Variants in ANK2 observed in about 807,000 individuals in gnomAD.
ANK2 encodes ankyrin-2.
A neutral mutation model predicts 360.5 loss-of-function variants in ANK2; 83 were observed. The ratio of observed to expected loss-of-function variants is 0.23; its 90% CI spans 0.19 to 0.28. The LOEUF (loss-of-function observed/expected upper bound fraction) is 0.28. Ranked by LOEUF, ANK2 falls within the 10% of genes least tolerant of loss-of-function variation. The pLI, the probability that ANK2 is intolerant of heterozygous loss-of-function variation, is 1.00. For synonymous variants in ANK2, 1,740 were observed against 1,759.5 expected (o/e 0.99, Z 0.28); for missense variants, 4,201 against 4,795.7 (o/e 0.88, Z 3.66).
chr4:113,020,701 C>G (rs1406062277), intron 2 of ANK2, among the ~76,000 whole-genome samples: 1 of 151,976 alleles, frequency 6.6e-6, no homozygotes, highest in Non-Finnish European at 1.5e-5. Flanking sequence ...TGGCATGCAC[C>G]TGTAATTCCA....
intron 2 of ANK2, among the ~76,000 whole-genome samples, chr4:113,011,859 A>G (rs1459238937): frequency 6.6e-6 from 1 of 152,052 alleles, no homozygotes; most frequent in Non-Finnish European, 1.5e-5. Flanking sequence ...TTCAATTGTT[A>G]TGTAAGGGTT....
chr4:113,375,327 T>C (rs1314723735), intron 45 of ANK2, among the ~76,000 whole-genome samples: 2 of 152,216 alleles, frequency 1.3e-5, no homozygotes, highest in Admixed American at 1.3e-4. Flanking sequence ...TCTTTTCAAA[T>C]ATAATCTGTG....
chr4:113,246,046 T>C (rs2042714145), intron 9 of ANK2, among the ~76,000 whole-genome samples: 1 of 152,226 alleles, frequency 6.6e-6, no homozygotes, highest in Non-Finnish European at 1.5e-5. Flanking sequence ...TCTGCCCGCC[T>C]TGGCCTCCCA....
At chr4:112,750,233 A>G in the ANK2 span, among the ~76,000 whole-genome samples, 1 of 151,800 alleles carries the variant, frequency 6.6e-6, no homozygotes, top group Non-Finnish European at 1.5e-5. Context: ...GGAATTTGAG[A>G]CCAGCCTGGG....
chr4:113,198,873 G>A (rs62313183), intron 3 of ANK2, 138 bp from the exon 4 acceptor site: 38 of 705,232 alleles, frequency 5.4e-5, no homozygotes, highest in Non-Finnish European at 8.2e-5. Context: ...TAATCTCTTC[G>A]TAAGTGGGCT....
intron 1 of ANK2, among the ~76,000 whole-genome samples, chr4:112,831,837 A>G (rs80355456): frequency 6.6e-6 from 1 of 152,096 alleles, no homozygotes; most frequent in Admixed American, 6.6e-5. Context: ...AGGAATGAAC[A>G]ATTCCGGACG....
At chr4:113,189,087 C>T (rs2098603858) in intron 2 of ANK2, among the ~76,000 whole-genome samples, 1 of 152,092 alleles carries the variant, frequency 6.6e-6, no homozygotes, top group Non-Finnish European at 1.5e-5. Flanking sequence ...GGAAGATAAA[C>T]AGGAAACACA....
chr4:112,829,491 C>CAAAAAAA lies in ANK2; in HGVS notation c.-40+11240_-40+11246dup, dbSNP rs60272903. On this transcript the variant is annotated intron_variant, in intron 1 of 30. Transcript: ENST00000503271. ...GCAACATAGTATGAGCCCATCTCTA[C>CAAAAAAA]AAAAAAAAAAAAAAAAAAAGGAAGG... Among the ~76,000 whole-genome samples the CAAAAAAA allele has an allele frequency of 4.0e-3, 240 of 60,704 alleles. 8 individuals carry two copies. Among genetic ancestry groups the CAAAAAAA allele is most frequent in the African/African-American group, 0.01 (125 of 12,354 alleles). 39.8% of individuals were successfully genotyped at this position (60,704 alleles called of 152,430 possible).
chr4:113,068,072 G>T lies in ANK2; in HGVS notation c.84+18260G>T, dbSNP rs80063353. Reference sequence around the variant, plus strand: ...CATTCCCAAAGAAAGCCAAAACATAGCATCTCTCTCTATGGCATTTTTATT... The same window carrying T: ...CATTCCCAAAGAAAGCCAAAACATATCATCTCTCTCTATGGCATTTTTATT... On this transcript the variant is annotated intron_variant, in intron 1 of 45. Transcript: ENST00000357077. Among the ~76,000 whole-genome samples the T allele has an allele frequency of 4.2e-3, 632 of 152,250 alleles. 24 individuals carry two copies. The East Asian group carries it at 0.095, about 23-fold the overall frequency.
At chr4:112,748,273 T>C in the ANK2 span, among the ~76,000 whole-genome samples, 2 of 152,196 alleles carry the variant, frequency 1.3e-5, no homozygotes, top group Non-Finnish European at 2.9e-5. Flanking sequence ...CAAATTAAAG[T>C]GGTTATTGTG....
In ANK2 at chr4:113,258,080, A is replaced by G; in HGVS notation, c.1219A>G (p.Lys407Glu). ...NGFTPLHIAC[K>E]KNRIKVMELL... is the part of the protein sequence containing the mutation. Reference sequence around the variant, plus strand: ...TTTTACTCCACTGCACATTGCCTGCAAGAAAAACCGCATCAAAGTCATGGA... The same window carrying G: ...TTTTACTCCACTGCACATTGCCTGCGAGAAAAACCGCATCAAAGTCATGGA... Residue 407 changes from lysine to glutamate, a missense_variant, in exon 12 of 46, where the codon AAG becomes GAG. Transcript: ENST00000357077. 1.2e-6 allele frequency: 2 copies of G among 1,614,198 alleles called. No homozygotes were observed. Among genetic ancestry groups the G allele is most frequent in the Non-Finnish European group, 1.7e-6 (2 of 1,180,008 alleles).
chr4:113,007,781 G>A (rs781028000), intron 2 of ANK2, among the ~76,000 whole-genome samples: 1 of 152,130 alleles, frequency 6.6e-6, no homozygotes, highest in Non-Finnish European at 1.5e-5. Context: ...ACACGTATTA[G>A]CCTTCTCACT....
At chr4:112,714,274 C>T in the ANK2 span, among the ~76,000 whole-genome samples, 5 of 152,202 alleles carry the variant, frequency 3.3e-5, no homozygotes, top group African/African-American at 1.2e-4. Context: ...TCTCCACCTC[C>T]TGGGCTCAAG....
chr4:112,818,144 G>A (rs2055856366), exon 1 of ANK2: 1 of 152,158 alleles, frequency 6.6e-6, no homozygotes, highest in African/African-American at 2.4e-5. Flanking sequence ...TCGGTTCCTG[G>A]GCTGCTGTCT....
intron 27 of ANK2, 90 bp downstream of exon 27, chr4:113,330,560 T>A (rs771084755): frequency 7.4e-6 from 10 of 1,343,314 alleles, no homozygotes; most frequent in Non-Finnish European, 9.4e-6. Context: ...AAAAGGTACG[T>A]CAAACCATTT....
chr4:112,848,980 C>A (rs574680811), intron 1 of ANK2, among the ~76,000 whole-genome samples: 1 of 152,196 alleles, frequency 6.6e-6, no homozygotes, highest in Non-Finnish European at 1.5e-5. Flanking sequence ...GTGAAACAAT[C>A]TGCAAAATTG....
intron 1 of ANK2, among the ~76,000 whole-genome samples, chr4:113,169,813 A>G (rs1361788122): frequency 1.3e-5 from 2 of 152,218 alleles, no homozygotes; most frequent in African/African-American, 2.4e-5. Flanking sequence ...ACTATAAAAA[A>G]GAAACTTTGA....
At chr4:112,838,040 C>T (rs1046600380) in intron 1 of ANK2, among the ~76,000 whole-genome samples, 1 of 152,126 alleles carries the variant, frequency 6.6e-6, no homozygotes, top group African/African-American at 2.4e-5. Flanking sequence ...TATGGTTTGG[C>T]TCTGTGTCCC....
At chr4:113,375,780 A>C (rs887816791) in intron 45 of ANK2, among the ~76,000 whole-genome samples, 2 of 152,148 alleles carry the variant, frequency 1.3e-5, no homozygotes, top group African/African-American at 2.4e-5. Context: ...ACAGATCCAC[A>C]AACTCTTACT....
Sources: gnomAD v4.1 joint callset for allele counts (sites outside exome capture counted in the v4.1 genomes callset) on GRCh38, gnomAD v4.1.1 for gene constraint, MANE v1.5 for transcripts, NCBI Gene and HGNC (gene_info 2026-07-23, HGNC 2026-07-21) for gene names.